The following LYST variants were observed in gnomAD, a reference collection of about 807,000 sequenced individuals.
LYST encodes lysosomal trafficking regulator.
A neutral mutation model predicts 413.6 loss-of-function variants in LYST; 192 were observed. That is an observed-to-expected ratio of 0.46 (90% CI 0.41 to 0.52). The LOEUF (loss-of-function observed/expected upper bound fraction) is 0.52, where lower values mean the gene tolerates loss of function less well. LYST is among the 20% of genes least tolerant of loss of function. The pLI, the probability that LYST is intolerant of heterozygous loss-of-function variation, is 0.00. For missense variants in LYST, 3,815 were observed against 4,499.9 expected, an observed-to-expected ratio of 0.85 and a Z score of 4.35; for synonymous variants, 1,525 against 1,567.3, an observed-to-expected ratio of 0.97 and a Z score of 0.64.
At chr1:235,841,734 A>G (rs1677234625) in intron 1 of LYST, among the ~76,000 whole-genome samples, 1 of 152,154 alleles carries the variant, frequency 6.6e-6, no homozygotes, top group African/African-American at 2.4e-5. Flanking sequence ...TCATCCTCTG[A>G]GGCTGAGGGA....
At chr1:235,708,735 G>A (rs542777301) in intron 44 of LYST, among the ~76,000 whole-genome samples, 50 of 152,184 alleles carry the variant, frequency 3.3e-4, no homozygotes, top group African/African-American at 1.2e-3. Context: ...CTTTACCAGG[G>A]GTAGATTCTT....
intron 42 of LYST, chr1:235,712,420 TATTAG>T (rs1420937403): frequency 2.5e-6 from 1 of 399,274 alleles, no homozygotes; most frequent in Non-Finnish European, 4.3e-6. Flanking sequence ...TAATATATAT[TATTAG>T]ATTAGTTTAT....
intron 10 of LYST, among the ~76,000 whole-genome samples, chr1:235,798,208 CAACT>C (rs1467970354): frequency 2.6e-5 from 4 of 152,018 alleles, no homozygotes; most frequent in Non-Finnish European, 5.9e-5. Context: ...GAAGACATGA[CAACT>C]AACTATTATG....
chr1:235,696,040 G>GT (rs1661078271), intron 46 of LYST, among the ~76,000 whole-genome samples: 2 of 152,128 alleles, frequency 1.3e-5, no homozygotes, highest in South Asian at 4.1e-4. Context: ...TAACATACTA[G>GT]TAAGAATGAA....
intron 17 of LYST, among the ~76,000 whole-genome samples, chr1:235,776,702 T>TA: frequency 6.6e-6 from 1 of 151,766 alleles, no homozygotes; most frequent in African/African-American, 2.4e-5. Context: ...TTTTTTTTTT[T>TA]AAAGTATTTT....
intron 28 of LYST, among the ~76,000 whole-genome samples, chr1:235,749,841 A>C (rs1049925996): frequency 3.9e-5 from 6 of 152,210 alleles, no homozygotes; most frequent in Non-Finnish European, 8.8e-5. Flanking sequence ...ACAAAATGCT[A>C]GTATCTAAAG....
intron 27 of LYST, 63 bp downstream of exon 27, chr1:235,751,942 C>T: frequency 8.8e-7 from 1 of 1,132,632 alleles, no homozygotes; most frequent in Non-Finnish European, 1.3e-6. Context: ...AGAGATTGTG[C>T]TCAAATAACA....
At chr1:235,689,020 TAATAATAAC>T (rs1251036467) in intron 47 of LYST, among the ~76,000 whole-genome samples, 22 of 131,944 alleles carry the variant, frequency 1.7e-4, no homozygotes, top group South Asian at 1.6e-3. Flanking sequence ...ATAATAATAA[TAATAATAAC>T]AACAACAACA....
At chr1:235,687,373 C>T (rs1660304580) in intron 47 of LYST, among the ~76,000 whole-genome samples, 1 of 152,032 alleles carries the variant, frequency 6.6e-6, no homozygotes. Flanking sequence ...TTGATTAAAT[C>T]CAAGGTTGAG....
rs1346851867 is a variant in LYST at position 235,767,155 on chromosome 1, C to T, written c.5923-878G>A. 3.3e-5 allele frequency among the ~76,000 whole-genome samples: 5 copies of T among 152,188 alleles called. No individual in the cohort carries two copies. The South Asian group carries it at 6.2e-4, about 19-fold the overall frequency. Reference sequence around the variant, plus strand: ...TGTATATAAATAAATTGCTTATATCCTCCAATTCCATCTCCCCAGTGGGTA... The same window carrying T: ...TGTATATAAATAAATTGCTTATATCTTCCAATTCCATCTCCCCAGTGGGTA... On this transcript the variant is annotated intron_variant, in intron 20 of 52. Coordinates refer to ENST00000389793, the MANE Select transcript of LYST (RefSeq NM_000081.4).
In LYST at chr1:235,806,768, T is replaced by C. The variant is rs751151484; in HGVS notation, c.2368A>G (p.Ile790Val). 2 of 1,606,098 alleles carry C rather than the reference T, an allele frequency of 1.2e-6. No homozygotes were observed. Among genetic ancestry groups the C allele is most frequent in the Admixed American group, 3.3e-5 (2 of 59,896 alleles). ...TLPILLKSRV[I>V]RDLFLSCNGV... is the part of the protein sequence containing the mutation. The stretch of plus-strand genomic sequence containing the variant: ...TTACAACTCAAAAACAAATCTCTTA[T>C]TACCCTGTGAAAGAAAAAAAGCATG... The change falls in exon 6 of 53, where the codon ATA (isoleucine) becomes GTA (valine). Residue 790 changes from isoleucine (I) to valine (V), a missense_variant. Around this residue, in one of 4 missense-constraint regions of LYST, gnomAD observed 1,648 missense variants for 1,810.3 expected, o/e 0.91. Coordinates refer to ENST00000389793, the MANE Select transcript of LYST (RefSeq NM_000081.4).
intron 46 of LYST, among the ~76,000 whole-genome samples, chr1:235,695,532 C>T (rs1332200478): frequency 6.6e-6 from 1 of 151,994 alleles, no homozygotes; most frequent in Admixed American, 6.6e-5. Context: ...ATAAGATAGG[C>T]TTAGAATATG....
intron 26 of LYST, among the ~76,000 whole-genome samples, chr1:235,752,734 T>A (rs552403565): frequency 1.3e-5 from 2 of 152,228 alleles, no homozygotes; most frequent in East Asian, 3.9e-4. Context: ...ATCTTGATAA[T>A]CTACCTCAAT....
chr1:235,810,445 C>G lies in LYST; in HGVS notation c.373G>C (p.Glu125Gln). ...QRSTQEKLHL[E>Q]GSALSSQVSA... Reference sequence around the variant, plus strand: ...ACCTGACTAGACAGGGCACTTCCTTCTAAATGTAATTTTTCCTGAGTGGAT... The same window carrying G: ...ACCTGACTAGACAGGGCACTTCCTTGTAAATGTAATTTTTCCTGAGTGGAT... Residue 125 changes from glutamate (E) to glutamine (Q), a missense_variant, in exon 5 of 53, where the codon GAA becomes CAA. Glu to Gln is a conservative substitution (Grantham distance 29, BLOSUM62 2). Transcript: ENST00000389793. 2 of 1,610,020 alleles carry G rather than the reference C, an allele frequency of 1.2e-6. No homozygotes were observed. Among genetic ancestry groups the G allele is most frequent in the African/African-American group, 2.7e-5 (2 of 74,614 alleles).
intron 45 of LYST, among the ~76,000 whole-genome samples, chr1:235,697,749 A>G (rs1572021046): frequency 1.3e-5 from 2 of 152,352 alleles, no homozygotes; most frequent in South Asian, 4.1e-4. Context: ...CCTGGAACAT[A>G]GCAGGTTCTC....
intron 19 of LYST, among the ~76,000 whole-genome samples, chr1:235,771,282 C>T (rs147133264): frequency 1.3e-3 from 196 of 152,052 alleles, no homozygotes; most frequent in African/African-American, 4.5e-3. Context: ...AAAAGAAAAA[C>T]GAGACTTAGT....
chr1:235,831,208 C>A, intron 2 of LYST, among the ~76,000 whole-genome samples: 1 of 152,188 alleles, frequency 6.6e-6, no homozygotes, highest in East Asian at 1.9e-4. Flanking sequence ...TATTGCCTCA[C>A]CTCCCTTCAC....
chr1:235,787,260 T>C lies in LYST; in HGVS notation c.4802A>G (p.Gln1601Arg). The C allele has an allele frequency of 6.2e-7, 1 of 1,613,796 alleles. No individual in the cohort carries two copies. Residue 1601 changes from glutamine (Q) to arginine (R), a missense_variant, in exon 14 of 53, where the codon CAG becomes CGG. Gln to Arg is a conservative substitution (Grantham distance 43, BLOSUM62 1). Around this residue, in one of 4 missense-constraint regions of LYST, gnomAD observed 530 missense variants for 696.5 expected, o/e 0.76. Coordinates refer to ENST00000389793, the MANE Select transcript of LYST (RefSeq NM_000081.4). ...AATCCTCCTTTTCCCTTGGGGCTGC[T>C]GTAAGTAGGTGAGTACTAAATGTTG... ...KWQHLVLTYL[Q>R]QPQGKRRIHG...
Position 235,809,820 on chromosome 1 carries a change from T to C in LYST, c.998A>G (p.His333Arg). Residue 333 changes from histidine to arginine, a missense_variant, in exon 5 of 53, where the codon CAT becomes CGT. This residue lies in a region of LYST where 1,648 missense variants were observed against 1,810.3 expected (regional missense o/e 0.91). Coordinates refer to ENST00000389793, the MANE Select transcript of LYST (RefSeq NM_000081.4). This position sits in a 1 kb window ranked among gnomAD's most constrained non-coding sequence, Gnocchi z 4.0. ...IQRMLFRTVL[H>R]LLSVDVSTAE... ...AGTACTAACATCTACTGACAGAAGA[T>C]GCAACACTGTTCGAAAGAGCATCCT... 6.2e-7 allele frequency: 1 copy of C among 1,614,054 alleles called. No homozygotes were observed. Among genetic ancestry groups the C allele is most frequent in the Non-Finnish European group, 8.5e-7 (1 of 1,179,994 alleles).
Sources: allele counts gnomAD v4.1 joint callset (sites outside exome capture counted in the v4.1 genomes callset), GRCh38; gene constraint gnomAD v4.1.1; regional missense constraint gnomAD v4.1.1; non-coding constraint Gnocchi (gnomAD v3.1); transcripts MANE v1.5; gene names NCBI Gene and HGNC (gene_info 2026-07-23, HGNC 2026-07-21).